Variants in SPTBN1 observed in about 807,000 individuals in gnomAD.
The protein encoded by SPTBN1 is spectrin beta chain, non-erythrocytic 1.
SPTBN1 carries 32 observed loss-of-function variants against 266.4 expected under a neutral mutation model. That is an observed-to-expected ratio of 0.12 (90% CI 0.09 to 0.16). The LOEUF is 0.16. SPTBN1 is among the 10% of genes least tolerant of loss of function. SPTBN1 has a pLI of 1.00. For missense variants in SPTBN1, 2,296 were observed against 3,067.1 expected (o/e 0.75, Z 5.94); for synonymous variants, 1,336 against 1,162.2 (o/e 1.15, Z -3.04).
At chr2:54,462,754 T>A (rs1047227698) in intron 1 of SPTBN1, among the ~76,000 whole-genome samples, 1 of 152,182 alleles carries the variant, frequency 6.6e-6, no homozygotes, top group Non-Finnish European at 1.5e-5. Flanking sequence ...AACCCTCCGG[T>A]CTCAGATCTA....
chr2:54,543,298 A>G (rs1226228886), intron 2 of SPTBN1, among the ~76,000 whole-genome samples: 1 of 152,240 alleles, frequency 6.6e-6, no homozygotes, highest in Non-Finnish European at 1.5e-5. Context: ...GTGTCTGCAC[A>G]CAGTGGGCAT....
intron 2 of SPTBN1, among the ~76,000 whole-genome samples, chr2:54,572,768 A>T (rs1281280432): frequency 6.6e-6 from 1 of 152,210 alleles, no homozygotes; most frequent in Admixed American, 6.5e-5. Flanking sequence ...CTCGTTCAGC[A>T]GTGGGCTTGA....
intron 16 of SPTBN1, among the ~76,000 whole-genome samples, chr2:54,632,240 G>C (rs1440074484): frequency 6.6e-6 from 1 of 152,048 alleles, no homozygotes; most frequent in Non-Finnish European, 1.5e-5. Flanking sequence ...GGCTGTTACT[G>C]TCTCAAAGAG....
rs1273309094 is a variant in SPTBN1 at position 54,631,610 on chromosome 2, A to C, written c.3563A>C (p.Gln1188Pro). Residue 1188 changes from glutamine (Q) to proline (P), a missense_variant and splice_region_variant, in exon 16 of 36, where the codon CAG (glutamine) becomes CCG (proline). By Grantham distance (76) the Gln-to-Pro change is moderately conservative. This residue lies in a region of SPTBN1 where 386 missense variants were observed against 486.1 expected (regional missense o/e 0.79). Transcript: ENST00000356805. ...TKQAEAFLNN[Q>P]EYVLAHTEMP... ...CAAGCCGAAGCCTTTCTTAACAACC[A>C]GGTAAGGTTTGTTCCTGCCTTTGCT... 1 of 1,607,734 alleles carries C rather than the reference A, an allele frequency of 6.2e-7. No individual in the cohort carries two copies. The highest frequency in any genetic ancestry group is 1.7e-5 in the Admixed American group (1 of 59,960).
At chr2:54,536,410 A>C (rs1353172641) in intron 2 of SPTBN1, among the ~76,000 whole-genome samples, 1 of 152,168 alleles carries the variant, frequency 6.6e-6, no homozygotes, top group Non-Finnish European at 1.5e-5. Context: ...TTAATTTTCT[A>C]ATTAGGAGAG....
At chr2:54,585,976 G>C (rs755702106) in intron 2 of SPTBN1, among the ~76,000 whole-genome samples, 1 of 152,208 alleles carries the variant, frequency 6.6e-6, no homozygotes, top group Non-Finnish European at 1.5e-5. Context: ...GTGAAATTTT[G>C]AGTTACACAT....
chr2:54,559,599 G>A (rs1673139794), intron 2 of SPTBN1, among the ~76,000 whole-genome samples: 1 of 152,150 alleles, frequency 6.6e-6, no homozygotes, highest in South Asian at 2.1e-4. Flanking sequence ...GCCTGTGTGT[G>A]CACCAGTGTG....
intron 1 of SPTBN1, among the ~76,000 whole-genome samples, chr2:54,476,721 G>A (rs559363376): frequency 2.6e-5 from 4 of 152,274 alleles, no homozygotes; most frequent in African/African-American, 7.2e-5. Flanking sequence ...ATTTGGAATT[G>A]CATTTTAATT....
intron 26 of SPTBN1, among the ~76,000 whole-genome samples, chr2:54,651,658 T>G (rs76292669): frequency 6.6e-6 from 1 of 152,346 alleles, no homozygotes; most frequent in East Asian, 1.9e-4. Flanking sequence ...TGCTGTCCTC[T>G]TGTACCTTAC....
At chr2:54,622,555 T>A in intron 9 of SPTBN1, 68 bp downstream of exon 9, 1 of 1,541,304 alleles carries the variant, frequency 6.5e-7, no homozygotes, top group Non-Finnish European at 8.8e-7. Context: ...CAGATCCCTA[T>A]GTTCTGATTT....
At position 54,480,686 on chromosome 2, in the gene SPTBN1, TGA is replaced by T. The variant is rs567063354; in HGVS notation, c.-48+24171_-48+24172del. Among the ~76,000 whole-genome samples, 26 of 152,332 alleles carry T rather than the reference TGA, an allele frequency of 1.7e-4. No individual in the cohort carries two copies. The East Asian group carries it at 4.8e-3, about 28-fold the overall frequency. Reference sequence around the variant, plus strand: ...TCTACCCTCCATTGGAATGGATGGTTGAGAAGTCATCACTGAGTTGCTGCTGC... The same window carrying T: ...TCTACCCTCCATTGGAATGGATGGTTGAAGTCATCACTGAGTTGCTGCTGC... On this transcript the variant is annotated intron_variant, in intron 1 of 35. Transcript: ENST00000356805.
At chr2:54,582,171 C>T (rs553670645) in intron 2 of SPTBN1, among the ~76,000 whole-genome samples, 1 of 152,256 alleles carries the variant, frequency 6.6e-6, no homozygotes, top group South Asian at 2.1e-4. Flanking sequence ...TACATTAATG[C>T]AAAACATTAC....
chr2:54,670,105 C>CA lies in SPTBN1; in HGVS notation c.*1537dup, dbSNP rs1681638054. On this transcript the variant is annotated 3_prime_UTR_variant, in exon 36 of 36. Coordinates refer to ENST00000356805, the MANE Select transcript of SPTBN1 (RefSeq NM_003128.3). ...GTGTTCCAGTAAAACTATTTAAGGACATAAATTTGAATTTCATATAACTTT... is the reference window on the plus strand; with the variant it reads ...GTGTTCCAGTAAAACTATTTAAGGACAATAAATTTGAATTTCATATAACTTT... 1 of 151,694 alleles carries CA rather than the reference C, an allele frequency of 6.6e-6. No homozygotes were observed. Among genetic ancestry groups the CA allele is most frequent in the African/African-American group, 2.4e-5 (1 of 41,220 alleles). The allele number at this position is 151,694 out of a possible 1,614,324, so 9.4% of individuals were successfully genotyped here.
At chr2:54,604,622 A>G (rs534605294) in intron 3 of SPTBN1, among the ~76,000 whole-genome samples, 1 of 152,328 alleles carries the variant, frequency 6.6e-6, no homozygotes, top group South Asian at 2.1e-4. Context: ...CTAATAAGCA[A>G]TTAGAATTAT....
Position 54,492,338 on chromosome 2 carries a change from G to GGTTTTTTTTTTTTTTTTTT in SPTBN1, c.-47-34034_-47-34033insGTTTTTTTTTTTTTTTTTT, listed in dbSNP as rs1558775035. Among the ~76,000 whole-genome samples the GGTTTTTTTTTTTTTTTTTT allele has an allele frequency of 5.9e-5, 7 of 118,112 alleles. 3 individuals carry two copies. The highest frequency in any genetic ancestry group is 1.6e-4 in the Admixed American group (2 of 12,276). The allele number at this position is 118,112 out of a possible 152,430, so 77.5% of individuals were successfully genotyped here. On this transcript the variant is annotated intron_variant, in intron 1 of 35. Coordinates refer to ENST00000356805, the MANE Select transcript of SPTBN1 (RefSeq NM_003128.3). ...TTACTGGACATTTAGTTTGTCTGCA[G>GGTTTTTTTTTTTTTTTTTT]TTGTTTTTTTGTTTTTTTTTTTTTT...
rs185389753 is a variant in SPTBN1 at position 54,598,480 on chromosome 2, A to G, written c.149-612A>G. On this transcript the variant is annotated intron_variant, in intron 2 of 35. Transcript: ENST00000356805. ...TGCTTGCCATTTTCTTTTGTTGTTC[A>G]TGGTGTGTGTGACTGAGCAGGTGAA... 3.4e-3 allele frequency among the ~76,000 whole-genome samples: 518 copies of G among 151,936 alleles called. 2 individuals are homozygous for G. The highest frequency in any genetic ancestry group is 0.012 in the African/African-American group (493 of 41,416).
Position 54,576,118 on chromosome 2 carries a change from G to A in SPTBN1, c.149-22974G>A, listed in dbSNP as rs903151277. 5.9e-5 allele frequency among the ~76,000 whole-genome samples: 8 copies of A among 135,558 alleles called. No homozygotes were observed. The East Asian group carries it at 8.8e-4, about 15-fold the overall frequency. 88.9% of individuals were successfully genotyped at this position (135,558 alleles called of 152,430 possible). On this transcript the variant is annotated intron_variant, in intron 2 of 35. Coordinates refer to ENST00000356805, the MANE Select transcript of SPTBN1 (RefSeq NM_003128.3). ...CTCCCAGGCTGGAGTGCAATGGTGC[G>A]ATCTCGGCTCACTGCAACCTCTGCC...
chr2:54,546,943 C>T (rs1672274725), intron 2 of SPTBN1, among the ~76,000 whole-genome samples: 1 of 129,282 alleles, frequency 7.7e-6, no homozygotes, highest in Non-Finnish European at 1.6e-5. Context: ...TTTTAAAATT[C>T]ATTTTTAATG....
At chr2:54,564,425 T>G (rs1300538234) in intron 2 of SPTBN1, among the ~76,000 whole-genome samples, 1 of 152,192 alleles carries the variant, frequency 6.6e-6, no homozygotes, top group Non-Finnish European at 1.5e-5. Flanking sequence ...TCTGCTTTAG[T>G]CTCTTTTCAT....
Sources: allele counts gnomAD v4.1 joint callset (sites outside exome capture counted in the v4.1 genomes callset), GRCh38; gene constraint gnomAD v4.1.1; regional missense constraint gnomAD v4.1.1; transcripts MANE v1.5; gene names NCBI Gene and HGNC (gene_info 2026-07-23, HGNC 2026-07-21).